PTPRT: variants seen among roughly 807,000 people sequenced by gnomAD.
PTPRT encodes receptor-type tyrosine-protein phosphatase T.
PTPRT carries 56 observed loss-of-function variants against 176.8 expected under a neutral mutation model. The observed-to-expected ratio is 0.32, with a 90% CI of 0.26 to 0.40. The LOEUF is 0.40. Ranked by LOEUF, PTPRT falls within the 10% of genes least tolerant of loss-of-function variation. PTPRT has a pLI of 1.00. For missense variants in PTPRT, 1,540 were observed against 1,908.2 expected (o/e 0.81, Z 3.60); for synonymous variants, 783 against 739.0 (o/e 1.06, Z -0.96).
At chr20:42,871,765 G>C (rs1267649884) in intron 2 of PTPRT, among the ~76,000 whole-genome samples, 1 of 150,720 alleles carries the variant, frequency 6.6e-6, no homozygotes, top group Non-Finnish European at 1.5e-5. Flanking sequence ...CCTTAGTGAA[G>C]ATTATTTGAC....
At chr20:42,141,006 G>T (rs1190774302) in intron 18 of PTPRT, among the ~76,000 whole-genome samples, 1 of 152,156 alleles carries the variant, frequency 6.6e-6, no homozygotes, top group African/African-American at 2.4e-5. Context: ...AGAAACCTGG[G>T]CAGTTTGACT....
intron 7 of PTPRT, among the ~76,000 whole-genome samples, chr20:42,528,106 C>G (rs2072310665): frequency 6.6e-6 from 1 of 152,098 alleles, no homozygotes; most frequent in Non-Finnish European, 1.5e-5. Flanking sequence ...TCCAAACTGG[C>G]CTTCTTATTG....
chr20:42,342,544 T>G (rs2058127581), intron 11 of PTPRT, among the ~76,000 whole-genome samples: 1 of 152,170 alleles, frequency 6.6e-6, no homozygotes, highest in Non-Finnish European at 1.5e-5. Context: ...AAAGAGTGTC[T>G]AAATGTAATT....
chr20:42,765,355 T>G (rs1038869136), intron 5 of PTPRT, among the ~76,000 whole-genome samples: 3 of 152,108 alleles, frequency 2.0e-5, no homozygotes, highest in Non-Finnish European at 2.9e-5. Context: ...CATAAAATAT[T>G]TCTAAACATG....
intron 7 of PTPRT, among the ~76,000 whole-genome samples, chr20:42,504,702 C>A (rs1223633147): frequency 1.3e-5 from 2 of 152,048 alleles, no homozygotes; most frequent in African/African-American, 4.8e-5. Context: ...GTAACATTTT[C>A]ACATTTAAAT....
rs559935128 is a variant in PTPRT at position 42,765,720 on chromosome 20, G to T, written c.684+5715C>A. ...ATATATATTTATATATTATGTACATGAGCATGTATATGTGTATATATTTTT... is the reference window on the plus strand; with the variant it reads ...ATATATATTTATATATTATGTACATTAGCATGTATATGTGTATATATTTTT... On this transcript the variant is annotated intron_variant, in intron 5 of 30. Transcript: ENST00000373187. Among the ~76,000 whole-genome samples, 423 of 151,672 alleles carry T rather than the reference G, an allele frequency of 2.8e-3. 1 individual carries two copies. The highest frequency in any genetic ancestry group is 8.8e-3 in the South Asian group (42 of 4,800).
chr20:42,872,518 C>T (rs941041510), intron 2 of PTPRT, among the ~76,000 whole-genome samples: 2 of 152,184 alleles, frequency 1.3e-5, no homozygotes, highest in Non-Finnish European at 2.9e-5. Flanking sequence ...AATTCCTCTG[C>T]AAAGAAGCAG....
intron 13 of PTPRT, among the ~76,000 whole-genome samples, chr20:42,269,364 C>G (rs991568549): frequency 2.0e-5 from 3 of 152,186 alleles, no homozygotes; most frequent in African/African-American, 7.2e-5. Context: ...TCCTTCTCCA[C>G]CATGATAAAC....
chr20:42,575,514 A>G (rs1354332873), intron 7 of PTPRT, among the ~76,000 whole-genome samples: 1 of 152,134 alleles, frequency 6.6e-6, no homozygotes, highest in Non-Finnish European at 1.5e-5. Context: ...GCAACCTCAA[A>G]TCTTTCTGTA....
intron 7 of PTPRT, among the ~76,000 whole-genome samples, chr20:42,477,635 AT>A (rs2071313623): frequency 6.6e-6 from 1 of 152,154 alleles, no homozygotes. Flanking sequence ...GGTTTGTTGA[AT>A]TTACATCCCC....
chr20:43,084,254 C>T (rs1204951476), intron 1 of PTPRT, among the ~76,000 whole-genome samples: 1 of 152,174 alleles, frequency 6.6e-6, no homozygotes, highest in Non-Finnish European at 1.5e-5. Context: ...CCACTTTCTC[C>T]ACATCTTTGC....
intron 26 of PTPRT, among the ~76,000 whole-genome samples, chr20:42,099,764 C>G (rs2146222204): frequency 6.6e-6 from 1 of 152,142 alleles, no homozygotes; most frequent in South Asian, 2.1e-4. Context: ...GGCAAAGACC[C>G]TGGAAAAAGC....
intron 7 of PTPRT, among the ~76,000 whole-genome samples, chr20:42,570,201 C>T (rs1044430300): frequency 6.6e-6 from 1 of 152,148 alleles, no homozygotes; most frequent in African/African-American, 2.4e-5. Flanking sequence ...TTGACAGTAG[C>T]ACAAAGGTGA....
At chr20:43,015,166 C>T (rs563771341) in intron 1 of PTPRT, among the ~76,000 whole-genome samples, 97 of 152,312 alleles carry the variant, frequency 6.4e-4, no homozygotes, top group Non-Finnish European at 1.2e-3. Flanking sequence ...GCACTTGTAT[C>T]TTAGAAAACA....
intron 13 of PTPRT, among the ~76,000 whole-genome samples, chr20:42,282,256 C>T (rs1385816116): frequency 6.6e-6 from 1 of 152,188 alleles, no homozygotes; most frequent in African/African-American, 2.4e-5. Context: ...TTACACCATT[C>T]ATCCACCCAT....
chr20:42,237,371 G>C (rs1009594894), intron 14 of PTPRT, among the ~76,000 whole-genome samples: 58 of 152,092 alleles, frequency 3.8e-4, no homozygotes, highest in African/African-American at 1.3e-3. Flanking sequence ...TAAACTCTCT[G>C]TTCCTTCATT....
chr20:43,142,349 G>C (rs1409633721), intron 1 of PTPRT, among the ~76,000 whole-genome samples: 1 of 152,228 alleles, frequency 6.6e-6, no homozygotes, highest in African/African-American at 2.4e-5. Flanking sequence ...CTGTCCCCCG[G>C]GCAGGATTTG....
At chr20:42,423,429 T>C (rs1438879654) in intron 9 of PTPRT, among the ~76,000 whole-genome samples, 1 of 152,090 alleles carries the variant, frequency 6.6e-6, no homozygotes, top group Non-Finnish European at 1.5e-5. Flanking sequence ...ACCCTTCTAA[T>C]ACACCCTCAG....
At chr20:42,102,326 C>A (rs770208995) in intron 25 of PTPRT, 29 bp from the exon 26 acceptor site, 9 of 1,599,594 alleles carry the variant, frequency 5.6e-6, no homozygotes, top group South Asian at 3.3e-5. Flanking sequence ...AATAGATAGG[C>A]CCTGCTCATT....
Sources: allele counts gnomAD v4.1 joint callset (sites outside exome capture counted in the v4.1 genomes callset), GRCh38; gene constraint gnomAD v4.1.1; transcripts MANE v1.5; gene names NCBI Gene and HGNC (gene_info 2026-07-23, HGNC 2026-07-21).